Variants in AGFG1 observed in about 807,000 individuals in gnomAD.
AGFG1 encodes the protein arf-GAP domain and FG repeat-containing protein 1.
AGFG1 carries 10 observed loss-of-function variants against 60.6 expected under a neutral mutation model. The observed-to-expected ratio is 0.16, with a 90% CI of 0.10 to 0.28. The LOEUF is 0.28. AGFG1 is among the 10% of genes least tolerant of loss of function. The pLI is 1.00. For missense variants in AGFG1, 537 were observed against 676.5 expected, an observed-to-expected ratio of 0.79 and a Z score of 2.29; for synonymous variants, 247 against 242.9, an observed-to-expected ratio of 1.02 and a Z score of -0.16.
At chr2:227,551,396 C>G (rs1350013147) in intron 10 of AGFG1, among the ~76,000 whole-genome samples, 1 of 151,994 alleles carries the variant, frequency 6.6e-6, no homozygotes, top group African/African-American at 2.4e-5. Context: ...TTAAGAGAAT[C>G]TCTCTTCTCT....
intron 10 of AGFG1, among the ~76,000 whole-genome samples, chr2:227,551,512 A>T (rs13423368): frequency 0.048 from 7,349 of 151,632 alleles, 212 homozygotes; most frequent in African/African-American, 0.089. Context: ...GCGGTTTAAA[A>T]TTTTTTTTTG....
intron 11 of AGFG1, among the ~76,000 whole-genome samples, chr2:227,553,300 C>T (rs1220098562): frequency 6.6e-6 from 1 of 152,030 alleles, no homozygotes; most frequent in Non-Finnish European, 1.5e-5. Context: ...GAGATTGAGA[C>T]CAGCCTGGGC....
chr2:227,535,527 C>T (rs533755368), intron 8 of AGFG1, among the ~76,000 whole-genome samples: 59 of 152,256 alleles, frequency 3.9e-4, no homozygotes, highest in African/African-American at 1.4e-3. Context: ...TCATATATAT[C>T]TGTTAGAATT....
In AGFG1 at chr2:227,557,998, A is replaced by C. The variant is rs1461841254; in HGVS notation, c.*3503A>C. On this transcript the variant is annotated 3_prime_UTR_variant, in exon 13 of 13. Coordinates refer to ENST00000310078, the MANE Select transcript of AGFG1 (RefSeq NM_004504.5). ...AGAACAGTATTTACTTGCAGGGCAA[A>C]CATAACTATTCCCTGGGTTTTTTTT... 1.3e-5 allele frequency: 2 copies of C among 152,264 alleles called. No homozygotes were observed. The highest frequency in any genetic ancestry group is 4.8e-5 in the African/African-American group (2 of 41,466). The allele number at this position is 152,264 out of a possible 1,614,324, so 9.4% of individuals were successfully genotyped here. A position where few individuals can be genotyped will look rare whatever the true frequency, so the allele number is the denominator to read the frequency against.
intron 3 of AGFG1, among the ~76,000 whole-genome samples, chr2:227,521,038 T>C (rs1481219330): frequency 6.6e-6 from 1 of 150,920 alleles, no homozygotes; most frequent in Non-Finnish European, 1.5e-5. Context: ...AAAATTTGTA[T>C]TCTTACTACT....
rs1230234202 is a variant in AGFG1, at chr2:227,559,752, GAC to G, written c.*5259_*5260del. On this transcript the variant is annotated 3_prime_UTR_variant, in exon 13 of 13. Coordinates refer to ENST00000310078, the MANE Select transcript of AGFG1 (RefSeq NM_004504.5). ...ATCTTCCCTCATTCTTGAGTGGAGAGACAGAGGAAGCAAACGCCAAGGAGCCT... is the reference window on the plus strand; with the variant it reads ...ATCTTCCCTCATTCTTGAGTGGAGAGAGAGGAAGCAAACGCCAAGGAGCCT... 1 of 152,138 alleles carries G rather than the reference GAC, an allele frequency of 6.6e-6. No individual in the cohort carries two copies. Among genetic ancestry groups the G allele is most frequent in the Non-Finnish European group, 1.5e-5 (1 of 68,008 alleles). 9.4% of individuals were successfully genotyped at this position (152,138 alleles called of 1,614,324 possible).
rs541742429 is a variant in AGFG1, at chr2:227,506,536, A to G, written c.262-13412A>G. ...GTTTGAGTTTTAGCAGCCCTGCATG[A>G]CTGCTTTCAAGTGATGTTCCTTAAA... On this transcript the variant is annotated intron_variant, in intron 2 of 12. Transcript: ENST00000310078. Among the ~76,000 whole-genome samples the G allele has an allele frequency of 2.9e-5, 4 of 137,348 alleles. No individual in the cohort carries two copies. In the South Asian group the frequency reaches 9.5e-4, roughly 33 times the overall value. 90.1% of individuals were successfully genotyped at this position (137,348 alleles called of 152,430 possible). A position where few individuals can be genotyped will look rare whatever the true frequency, so the allele number is the denominator to read the frequency against.
At chr2:227,480,570 T>C (rs1479023119) in intron 1 of AGFG1, among the ~76,000 whole-genome samples, 1 of 149,470 alleles carries the variant, frequency 6.7e-6, no homozygotes, top group Non-Finnish European at 1.5e-5. Context: ...CTTCCTTCAA[T>C]ATGATCAGAT....
intron 1 of AGFG1, among the ~76,000 whole-genome samples, chr2:227,483,262 A>G (rs1690523463): frequency 6.6e-6 from 1 of 152,184 alleles, no homozygotes; most frequent in South Asian, 2.1e-4. Context: ...AAATGATCAA[A>G]TTTGGTAGGT....
chr2:227,472,519 AC>A lies in AGFG1; in HGVS notation c.100del (p.Gln34SerfsTer9). 1.3e-6 allele frequency: 2 copies of A among 1,582,588 alleles called. No homozygotes were observed. Among genetic ancestry groups the A allele is most frequent in the Admixed American group, 1.7e-5 (1 of 57,500 alleles). ...LPHNRKCFDC[D>X]QRGPTYVNMT... Reference sequence around the variant, plus strand: ...CACAACCGAAAGTGCTTCGACTGCGACCAGCGCGGCCCCACCTACGTTAACA... The same window carrying A: ...CACAACCGAAAGTGCTTCGACTGCGACAGCGCGGCCCCACCTACGTTAACA... On this transcript the variant is annotated frameshift_variant, in exon 1 of 13. Transcript: ENST00000310078. LOFTEE classifies it high-confidence loss of function.
chr2:227,474,889 T>C (rs970424574), intron 1 of AGFG1, among the ~76,000 whole-genome samples: 49 of 152,208 alleles, frequency 3.2e-4, no homozygotes, highest in Non-Finnish European at 5.9e-5. Context: ...TTTTCTCTTA[T>C]ATGAAACAGT....
intron 3 of AGFG1, among the ~76,000 whole-genome samples, chr2:227,522,984 C>T (rs1308334558): frequency 6.6e-6 from 1 of 151,864 alleles, no homozygotes; most frequent in East Asian, 1.9e-4. Context: ...AATTTTTTTT[C>T]CTTGATAGAT....
At chr2:227,485,818 A>G (rs758889309) in intron 1 of AGFG1, among the ~76,000 whole-genome samples, 13 of 152,026 alleles carry the variant, frequency 8.6e-5, no homozygotes, top group Non-Finnish European at 1.9e-4. Context: ...TTTTTACTCC[A>G]TCTTTCATTT....
At position 227,555,680 on chromosome 2, in the gene AGFG1, A is replaced by C. The variant is rs1692953897; in HGVS notation, c.*1185A>C. The C allele has an allele frequency of 6.6e-6, 1 of 152,586 alleles. No individual in the cohort carries two copies. Among genetic ancestry groups the C allele is most frequent in the Admixed American group, 6.5e-5 (1 of 15,272 alleles). 9.5% of individuals were successfully genotyped at this position (152,586 alleles called of 1,614,324 possible). ...CTTTGTTTTAAAGGAAAAGATAATA[A>C]GTTTAGTTATATCTTTTTGTTAATA... On this transcript the variant is annotated 3_prime_UTR_variant, in exon 13 of 13. Transcript: ENST00000310078.
intron 2 of AGFG1, chr2:227,508,590 G>T (rs1231292440): frequency 3.4e-5 from 16 of 469,886 alleles, no homozygotes; most frequent in South Asian, 1.2e-4. Flanking sequence ...TTGAAACCTT[G>T]CATATCAGAT....
intron 10 of AGFG1, among the ~76,000 whole-genome samples, chr2:227,549,324 A>G (rs533348687): frequency 1.3e-5 from 2 of 152,366 alleles, no homozygotes; most frequent in South Asian, 4.1e-4. Flanking sequence ...AATATATTTT[A>G]GACACAATCT....
Position 227,519,966 on chromosome 2 carries a change from C to T in AGFG1, c.280C>T (p.Leu94=). 6.3e-7 allele frequency: 1 copy of T among 1,583,998 alleles called. No individual in the cohort carries two copies. The highest frequency in any genetic ancestry group is 8.6e-7 in the Non-Finnish European group (1 of 1,169,480). Residue 94 remains leucine (L), a synonymous_variant, in exon 3 of 13, where the codon CTA becomes TTA. Coordinates refer to ENST00000310078, the MANE Select transcript of AGFG1 (RefSeq NM_004504.5). ...TCCAAAGGTCTGTAAACAGATTTGG[C>T]TAGGATTATTTGATGATAGATCTTC... ...HGNEVCKQIW[L]GLFDDRSSAI...
At chr2:227,486,388 A>G (rs574402912) in intron 1 of AGFG1, among the ~76,000 whole-genome samples, 1 of 152,224 alleles carries the variant, frequency 6.6e-6, no homozygotes, top group Non-Finnish European at 1.5e-5. Context: ...AGTTTGCCAT[A>G]CTGTTGGAAG....
chr2:227,521,016 G>T (rs1397061904), intron 3 of AGFG1, among the ~76,000 whole-genome samples: 2 of 152,112 alleles, frequency 1.3e-5, no homozygotes, highest in African/African-American at 2.4e-5. Context: ...GCTCTGACTT[G>T]CATGCTCTAT....
Sources: gnomAD v4.1 joint callset for allele counts (sites outside exome capture counted in the v4.1 genomes callset) on GRCh38, gnomAD v4.1.1 for gene constraint, MANE v1.5 for transcripts, NCBI Gene and HGNC (gene_info 2026-07-23, HGNC 2026-07-21) for gene names.